Variants in INSC observed in about 807,000 individuals in gnomAD.
INSC encodes INSC spindle orientation adaptor protein, also known as protein inscuteable homolog.
INSC carries 67 observed loss-of-function variants against 58.6 expected under a neutral mutation model. The observed-to-expected ratio is 1.14, with a 90% CI of 0.94 to 1.40. INSC has a LOEUF of 1.40. Among genes scored for constraint, INSC ranks in the 40% most tolerant of loss-of-function variants. The pLI is 0.00. For missense variants in INSC, 714 were observed against 692.0 expected, an observed-to-expected ratio of 1.03 and a Z score of -0.36; for synonymous variants, 262 against 276.1, an observed-to-expected ratio of 0.95 and a Z score of 0.51.
intron 9 of INSC, among the ~76,000 whole-genome samples, chr11:15,234,111 C>T (rs974346927): frequency 4.6e-5 from 7 of 152,238 alleles, no homozygotes; most frequent in African/African-American, 1.7e-4. Context: ...AGGAGCTAGT[C>T]ACCCCCTTCT....
At chr11:15,207,448 C>T (rs939051) in intron 7 of INSC, among the ~76,000 whole-genome samples, 4 of 152,028 alleles carry the variant, frequency 2.6e-5, no homozygotes, top group Admixed American at 2.6e-4. Flanking sequence ...AGAAAATCAC[C>T]AAGGGCAAGA....
chr11:15,199,927 T>C (rs528231001), intron 6 of INSC, among the ~76,000 whole-genome samples: 21 of 152,194 alleles, frequency 1.4e-4, no homozygotes, highest in Non-Finnish European at 2.6e-4. Flanking sequence ...ATTCCAGTGA[T>C]CTCTTGGCTC....
At chr11:15,124,419 C>T (rs993219858) in intron 1 of INSC, among the ~76,000 whole-genome samples, 8 of 152,146 alleles carry the variant, frequency 5.3e-5, no homozygotes, top group African/African-American at 1.9e-4. Context: ...AGATTAGGCT[C>T]CTTATTCAGG....
At chr11:15,133,607 C>T (rs2133709347) in intron 1 of INSC, among the ~76,000 whole-genome samples, 1 of 152,332 alleles carries the variant, frequency 6.6e-6, no homozygotes, top group South Asian at 2.1e-4. Context: ...TTTGATTCCT[C>T]CCCTTGGAAA....
chr11:15,206,542 A>G (rs1207042495), intron 7 of INSC, among the ~76,000 whole-genome samples: 3 of 152,148 alleles, frequency 2.0e-5, no homozygotes, highest in Non-Finnish European at 2.9e-5. Flanking sequence ...AATGAGGGCC[A>G]AGGAGGGAGT....
chr11:15,121,767 A>C (rs1204954904), intron 1 of INSC, among the ~76,000 whole-genome samples: 1 of 151,936 alleles, frequency 6.6e-6, no homozygotes, highest in Non-Finnish European at 1.5e-5. Context: ...CCTTCCTATC[A>C]CTAGGGTCTC....
rs138462890 is a variant in INSC at position 15,120,983 on chromosome 11, G to T, written c.-46+5980G>T. Among the ~76,000 whole-genome samples, 638 of 150,928 alleles carry T rather than the reference G, an allele frequency of 4.2e-3. 6 individuals carry two copies. The highest frequency in any genetic ancestry group is 0.014 in the African/African-American group (587 of 41,170). On this transcript the variant is annotated intron_variant, in intron 1 of 12. Transcript: ENST00000379556. The stretch of plus-strand genomic sequence containing the variant: ...TGCAAAAATATTATTTTTATTATTT[G>T]CATATATTTTTATTGTTTATATAAC...
chr11:15,157,890 C>T (rs1270974124), intron 2 of INSC, among the ~76,000 whole-genome samples: 1 of 152,140 alleles, frequency 6.6e-6, no homozygotes, highest in East Asian at 1.9e-4. Flanking sequence ...CTGCTGTGGC[C>T]CTGTGCTCTC....
Position 15,239,038 on chromosome 11 carries a change from G to C in INSC, c.1357G>C (p.Asp453His). The C allele has an allele frequency of 6.2e-7, 1 of 1,614,080 alleles. No individual in the cohort carries two copies. Among genetic ancestry groups the C allele is most frequent in the East Asian group, 2.2e-5 (1 of 44,884 alleles). ...AAVTLARLSR[D>H]PDVAREAVRL... ...AGTGACCCTGGCTCGTCTCAGCCGA[G>C]ACCCAGATGTGGCACGGGAGGCCGT... The change falls in exon 11 of 13, where the codon GAC (aspartate) becomes CAC (histidine). Residue 453 changes from aspartate (D) to histidine (H), a missense_variant. Transcript: ENST00000379556.
intron 3 of INSC, 46 bp from the exon 4 acceptor site, chr11:15,177,063 TCA>T (rs1361014195): frequency 4.7e-6 from 7 of 1,485,160 alleles, no homozygotes; most frequent in Non-Finnish European, 4.7e-6. Flanking sequence ...CAGTTGGTCC[TCA>T]GTTAATGCTT....
At position 15,229,965 on chromosome 11, in the gene INSC, TATATATATATATA is replaced by T. The variant is rs1564916990; in HGVS notation, c.1170+4138_1170+4150del. Among the ~76,000 whole-genome samples the T allele has an allele frequency of 8.7e-3, 213 of 24,486 alleles. 27 individuals are homozygous for T. Among genetic ancestry groups the T allele is most frequent in the African/African-American group, 0.056 (203 of 3,604 alleles). The allele number at this position is 24,486 out of a possible 152,430, so 16.1% of individuals were successfully genotyped here. On this transcript the variant is annotated intron_variant, in intron 9 of 12. Transcript: ENST00000379556. ...ATATAATATTATATATATATTTATATATATATATATATATTATATATATATATATATATATATA... is the reference window on the plus strand; with the variant it reads ...ATATAATATTATATATATATTTATATTTATATATATATATATATATATATA...
At chr11:15,230,442 T>C (rs1851883671) in intron 9 of INSC, among the ~76,000 whole-genome samples, 1 of 152,044 alleles carries the variant, frequency 6.6e-6, no homozygotes. Flanking sequence ...TCACTCACTA[T>C]CATAAGAATA....
At chr11:15,265,150 AAT>A in the INSC span, among the ~76,000 whole-genome samples, 1 of 152,120 alleles carries the variant, frequency 6.6e-6, no homozygotes, top group Non-Finnish European at 1.5e-5. Context: ...TTTAAATTAA[AAT>A]ATGTGACAAT....
At chr11:15,127,299 A>T (rs1323748629) in intron 1 of INSC, among the ~76,000 whole-genome samples, 2 of 152,238 alleles carry the variant, frequency 1.3e-5, no homozygotes, top group Non-Finnish European at 2.9e-5. Context: ...TTCTTTAAGA[A>T]CAGCCTCTCC....
intron 12 of INSC, among the ~76,000 whole-genome samples, 182 bp downstream of exon 12, chr11:15,240,705 T>C (rs1852315781): frequency 6.6e-6 from 1 of 152,198 alleles, no homozygotes; most frequent in Non-Finnish European, 1.5e-5. Flanking sequence ...AAAATCATGA[T>C]GAAAATTATA....
chr11:15,112,490 T>G, upstream of INSC: 1 of 1,610,842 alleles, frequency 6.2e-7, no homozygotes, highest in African/African-American at 1.3e-5. Context: ...CCCCTGGCAA[T>G]GGAGAGGCGG....
At chr11:15,165,406 T>A (rs1939565975) in intron 2 of INSC, among the ~76,000 whole-genome samples, 1 of 152,218 alleles carries the variant, frequency 6.6e-6, no homozygotes, top group Non-Finnish European at 1.5e-5. Flanking sequence ...CTTCACTTAA[T>A]AATCACCAAA....
chr11:15,133,461 G>A (rs1848170448), intron 1 of INSC, among the ~76,000 whole-genome samples: 2 of 152,166 alleles, frequency 1.3e-5, no homozygotes, highest in South Asian at 4.1e-4. Flanking sequence ...AACAGATAAT[G>A]TAAATTCAGG....
chr11:15,266,333 G>C, the INSC span, among the ~76,000 whole-genome samples: 1 of 151,586 alleles, frequency 6.6e-6, no homozygotes, highest in Admixed American at 6.6e-5. Flanking sequence ...AACATTTCCA[G>C]ATGTCTTAGG....
Sources: allele counts gnomAD v4.1 joint callset (sites outside exome capture counted in the v4.1 genomes callset), GRCh38; gene constraint gnomAD v4.1.1; transcripts MANE v1.5; gene names NCBI Gene and HGNC (gene_info 2026-07-23, HGNC 2026-07-21).